The following KCNH1 variants were observed in gnomAD, a reference collection of about 807,000 sequenced individuals.
KCNH1 encodes the protein potassium voltage-gated channel subfamily H member 1, also known as voltage-gated delayed rectifier potassium channel KCNH1.
In KCNH1, 27 loss-of-function variants were observed where a neutral mutation model predicts 69.2. The observed-to-expected ratio is 0.39, with a 90% CI of 0.29 to 0.54. The LOEUF (loss-of-function observed/expected upper bound fraction) is 0.54. KCNH1 is among the 20% of genes least tolerant of loss of function. The probability of loss-of-function intolerance (pLI) is 0.68; values close to 1 mark genes in which losing one functional copy is unlikely to be tolerated. For missense variants in KCNH1, 798 were observed against 1,261.6 expected (o/e 0.63, Z 5.57); for synonymous variants, 456 against 487.7 (o/e 0.93, Z 0.86).
intron 7 of KCNH1, among the ~76,000 whole-genome samples, chr1:210,856,899 A>ATATATATATATATATATATATATATAT (rs57245090): frequency 4.9e-5 from 6 of 121,758 alleles, no homozygotes; most frequent in South Asian, 2.9e-4. Context: ...ATATATATAT[A>ATATATATATATATATATATATATATAT]AAATACTCAT....
chr1:210,870,856 C>T (rs750099452), intron 7 of KCNH1, among the ~76,000 whole-genome samples: 13 of 152,288 alleles, frequency 8.5e-5, no homozygotes, highest in South Asian at 2.1e-4. Context: ...CTTAAGGGTA[C>T]ATTATCTTCA....
At chr1:211,090,041 G>C (rs764417217) in intron 4 of KCNH1, among the ~76,000 whole-genome samples, 10 of 152,184 alleles carry the variant, frequency 6.6e-5, no homozygotes, top group Non-Finnish European at 1.2e-4. Flanking sequence ...GACCCATATA[G>C]AAATGTTACT....
intron 7 of KCNH1, among the ~76,000 whole-genome samples, chr1:210,881,509 C>T (rs1035972129): frequency 6.6e-6 from 1 of 152,182 alleles, no homozygotes; most frequent in Non-Finnish European, 1.5e-5. Context: ...AGCAATCCTA[C>T]TACTTGTTAT....
At chr1:210,732,210 C>A (rs1322716158) in intron 10 of KCNH1, among the ~76,000 whole-genome samples, 1 of 151,624 alleles carries the variant, frequency 6.6e-6, no homozygotes, top group Non-Finnish European at 1.5e-5. Context: ...CTCACCCCCA[C>A]AAGCAGAACC....
At position 210,705,631 on chromosome 1, in the gene KCNH1, TATG is replaced by T. The variant is rs1558431359; in HGVS notation, c.2113-21496_2113-21494del. The stretch of plus-strand genomic sequence containing the variant: ...AAATCTGACACCATTGCTTTGAAGA[TATG>T]ATAAAAGGAAAGTGCCCAGATGATG... On this transcript the variant is annotated intron_variant, in intron 10 of 10. Coordinates refer to ENST00000271751, the MANE Select transcript of KCNH1 (RefSeq NM_172362.3). Among the ~76,000 whole-genome samples, 4 of 152,214 alleles carry T rather than the reference TATG, an allele frequency of 2.6e-5. No homozygotes were observed. The South Asian group carries it at 6.2e-4, about 24-fold the overall frequency.
At chr1:211,086,055 CTT>C (rs1558598509) in intron 4 of KCNH1, among the ~76,000 whole-genome samples, 2 of 152,184 alleles carry the variant, frequency 1.3e-5, no homozygotes, top group East Asian at 3.8e-4. Context: ...GTTTTATTTG[CTT>C]ACCTGTCTAT....
chr1:211,085,502 A>G (rs1690936409), intron 4 of KCNH1, among the ~76,000 whole-genome samples: 1 of 151,650 alleles, frequency 6.6e-6, no homozygotes. Context: ...AAAAAGACTG[A>G]CAGATAGAAG....
chr1:210,897,828 A>T (rs1051019487), intron 7 of KCNH1, among the ~76,000 whole-genome samples: 12 of 152,212 alleles, frequency 7.9e-5, no homozygotes, highest in African/African-American at 2.9e-4. Flanking sequence ...TATGGTACAG[A>T]GGAAGCTGAG....
intron 7 of KCNH1, among the ~76,000 whole-genome samples, chr1:210,830,241 C>T (rs557500841): frequency 1.3e-5 from 2 of 152,300 alleles, no homozygotes; most frequent in South Asian, 4.1e-4. Flanking sequence ...CCTACTCATC[C>T]GTTAACTTCG....
Position 210,754,899 on chromosome 1 carries a change from C to A in KCNH1, c.2112+20449G>T, listed in dbSNP as rs566521850. Among the ~76,000 whole-genome samples, 4 of 152,184 alleles carry A rather than the reference C, an allele frequency of 2.6e-5. No homozygotes were observed. The East Asian group carries it at 7.7e-4, about 29-fold the overall frequency. ...ACACACAGACACATACAAAGACACA[C>A]ACACAGAGCAGCAGCAACATTGCTG... On this transcript the variant is annotated intron_variant, in intron 10 of 10. Coordinates refer to ENST00000271751, the MANE Select transcript of KCNH1 (RefSeq NM_172362.3).
At chr1:210,724,017 C>T (rs1009799391) in intron 10 of KCNH1, among the ~76,000 whole-genome samples, 1 of 152,288 alleles carries the variant, frequency 6.6e-6, no homozygotes, top group East Asian at 1.9e-4. Context: ...AGGTTACCAG[C>T]TTACATGGGC....
At chr1:210,921,268 T>C (rs1687454138) in intron 6 of KCNH1, among the ~76,000 whole-genome samples, 1 of 152,242 alleles carries the variant, frequency 6.6e-6, no homozygotes, top group Non-Finnish European at 1.5e-5. Flanking sequence ...CGTTAGCTTT[T>C]TTCTACTTCC....
rs374085137 is a variant in KCNH1 at position 210,680,077 on chromosome 1, G to A, written c.*3204C>T. ...TGTCCAGTGGAGGAGCCCTTTGTAA[G>A]TATATGGGATGGCAGCGCCCATTGC... On this transcript the variant is annotated 3_prime_UTR_variant, in exon 11 of 11. Transcript: ENST00000271751. 6.6e-6 allele frequency: 1 copy of A among 152,076 alleles called. No homozygotes were observed. The highest frequency in any genetic ancestry group is 1.9e-4 in the East Asian group (1 of 5,180). The allele number at this position is 152,076 out of a possible 1,614,324, so 9.4% of individuals were successfully genotyped here.
chr1:210,884,364 G>T (rs1686559509), intron 7 of KCNH1, among the ~76,000 whole-genome samples: 2 of 152,166 alleles, frequency 1.3e-5, no homozygotes, highest in Admixed American at 6.5e-5. Context: ...CTGTCTGGAG[G>T]TTTACAGAGC....
chr1:210,685,664 A>G (rs1184890622), intron 10 of KCNH1, among the ~76,000 whole-genome samples: 1 of 152,166 alleles, frequency 6.6e-6, no homozygotes, highest in Non-Finnish European at 1.5e-5. Flanking sequence ...ATATGAAATC[A>G]CTGGCCCACT....
chr1:211,033,153 A>G lies in KCNH1; in HGVS notation c.559-13897T>C, dbSNP rs1043087018. On this transcript the variant is annotated intron_variant, in intron 5 of 10. Coordinates refer to ENST00000271751, the MANE Select transcript of KCNH1 (RefSeq NM_172362.3). ...AGACATTTATGCAGCCAAAAGACAC[A>G]TGAAAAAATGCTCATCATCACTGGC... Among the ~76,000 whole-genome samples, 22 of 152,262 alleles carry G rather than the reference A, an allele frequency of 1.4e-4. 1 individual carries two copies. Among genetic ancestry groups the G allele is most frequent in the Non-Finnish European group, 2.9e-4 (20 of 68,050 alleles).
At chr1:211,055,936 C>T (rs536708070) in intron 5 of KCNH1, among the ~76,000 whole-genome samples, 2 of 152,322 alleles carry the variant, frequency 1.3e-5, no homozygotes, top group East Asian at 3.9e-4. Flanking sequence ...TCACCCCAGG[C>T]CTTGGGTAAG....
chr1:211,134,091 T>A lies in KCNH1; in HGVS notation c.-146A>T. The A allele has an allele frequency of 1.6e-6, 1 of 624,942 alleles. No homozygotes were observed. Among genetic ancestry groups the A allele is most frequent in the South Asian group, 2.0e-5 (1 of 50,686 alleles). 38.7% of individuals were successfully genotyped at this position (624,942 alleles called of 1,614,324 possible). On this transcript the variant is annotated 5_prime_UTR_variant, in exon 1 of 11. Coordinates refer to ENST00000271751, the MANE Select transcript of KCNH1 (RefSeq NM_172362.3). The surrounding 1 kb of genome is among the most constrained non-coding windows in gnomAD (Gnocchi z 5.7). ...CGCAGGCAGGGCTGGCGGCTCCCTC[T>A]GGCTGCTACCCTCGCGCCCTCTTCG...
At position 211,053,828 on chromosome 1, in the gene KCNH1, G is replaced by A. The variant is rs552978002; in HGVS notation, c.558+28952C>T. Among the ~76,000 whole-genome samples the A allele has an allele frequency of 1.1e-4, 16 of 151,574 alleles. 1 individual carries two copies. In the South Asian group the frequency reaches 3.1e-3, roughly 30 times the overall value. On this transcript the variant is annotated intron_variant, in intron 5 of 10. Transcript: ENST00000271751. ...GTTGCAGATAAGCTTACCACAAGAGGAAATTAAACACCAAGAGAGAGGATT... is the reference window on the plus strand; with the variant it reads ...GTTGCAGATAAGCTTACCACAAGAGAAAATTAAACACCAAGAGAGAGGATT...
Sources: allele counts gnomAD v4.1 joint callset (sites outside exome capture counted in the v4.1 genomes callset), GRCh38; gene constraint gnomAD v4.1.1; non-coding constraint Gnocchi (gnomAD v3.1); transcripts MANE v1.5; gene names NCBI Gene and HGNC (gene_info 2026-07-23, HGNC 2026-07-21).